ALOX12B: variants seen among roughly 807,000 people sequenced by gnomAD.
ALOX12B encodes arachidonate 12-lipoxygenase, 12R-type.
In ALOX12B, 47 loss-of-function variants were observed where a neutral mutation model predicts 78.9. That is an observed-to-expected ratio of 0.60 (90% CI 0.47 to 0.76). ALOX12B has a LOEUF of 0.76. Among genes scored for constraint, ALOX12B ranks in the 30% least tolerant of loss-of-function variants. The pLI is 0.00. For missense variants in ALOX12B, 805 were observed against 922.6 expected, an observed-to-expected ratio of 0.87 and a Z score of 1.65; for synonymous variants, 370 against 374.5, an observed-to-expected ratio of 0.99 and a Z score of 0.14.
rs1567980444 is a variant in ALOX12B, at chr17:8,073,329, GAT to G, written c.1756-13_1756-12del. Reference sequence around the variant, plus strand: ...GGCGGTGAACTCCATCTGGAGGTGGGATAGAGGCGCGGGTCTGGGTGGAAGAG... The same window carrying G: ...GGCGGTGAACTCCATCTGGAGGTGGGAGAGGCGCGGGTCTGGGTGGAAGAG... On this transcript the variant is annotated splice_polypyrimidine_tract_variant and intron_variant, in intron 13 of 14. Coordinates refer to ENST00000647874, the MANE Select transcript of ALOX12B (RefSeq NM_001139.3). 6.2e-7 allele frequency: 1 copy of G among 1,614,118 alleles called. No individual in the cohort carries two copies. The highest frequency in any genetic ancestry group is 8.5e-7 in the Non-Finnish European group (1 of 1,180,048).
At chr17:8,073,376 C>T in intron 13 of ALOX12B, 58 bp from the exon 14 acceptor site, 4 of 1,608,602 alleles carry the variant, frequency 2.5e-6, no homozygotes, top group Non-Finnish European at 3.4e-6. Flanking sequence ...AGTTTCCTTC[C>T]ACCAGGTGCT....
At chr17:8,077,469 G>A (rs1567982015) in intron 8 of ALOX12B, among the ~76,000 whole-genome samples, 1 of 152,182 alleles carries the variant, frequency 6.6e-6, no homozygotes, top group Non-Finnish European at 1.5e-5. Context: ...TGCCTTCTCT[G>A]GCAAGACTTC....
chr17:8,079,392 G>C lies in ALOX12B; in HGVS notation c.1071+4C>G, dbSNP rs372099592. On this transcript the variant is annotated splice_donor_region_variant and intron_variant, in intron 8 of 14. Transcript: ENST00000647874. The surrounding 1 kb of genome is among the most constrained non-coding windows in gnomAD (Gnocchi z 6.4). The stretch of plus-strand genomic sequence containing the variant: ...AGCGGCAGCGCCGCCTGCAGCCCAG[G>C]CACCTGGATGGCGATGGGCATCATC... 6.4e-7 allele frequency: 1 copy of C among 1,553,036 alleles called. No individual in the cohort carries two copies. Among genetic ancestry groups the C allele is most frequent in the Non-Finnish European group, 8.7e-7 (1 of 1,148,382 alleles).
intron 3 of ALOX12B, 22 bp downstream of exon 3, chr17:8,081,084 A>C (rs1475890495): frequency 3.7e-6 from 6 of 1,612,928 alleles, no homozygotes; most frequent in Non-Finnish European, 5.1e-6. Context: ...GGGCGCCCAG[A>C]CTCTGCCACC....
chr17:8,081,189 T>C lies in ALOX12B; in HGVS notation c.353-2A>G, dbSNP rs775524204. On this transcript the variant is annotated splice_acceptor_variant, in intron 2 of 14. Coordinates refer to ENST00000647874, the MANE Select transcript of ALOX12B (RefSeq NM_001139.3). LOFTEE classifies it high-confidence loss of function. The stretch of plus-strand genomic sequence containing the variant: ...GCGAGTCATCTGCTGTTGTCTTTCC[T>C]GTAGGGAGACCAAGGAGAGGACTCA... The C allele has an allele frequency of 3.1e-6, 5 of 1,613,826 alleles. No homozygotes were observed. Among genetic ancestry groups the C allele is most frequent in the African/African-American group, 1.3e-5 (1 of 74,884 alleles).
In ALOX12B at chr17:8,087,692, C is replaced by A; in HGVS notation, c.-250G>T. ...CGGAGCCCAGCTGGTGGTGAGTGAG[C>A]AGGTGTCTGGGCTCCAAGCCTTCTG... On this transcript the variant is annotated 5_prime_UTR_variant, in exon 1 of 15. Coordinates refer to ENST00000647874, the MANE Select transcript of ALOX12B (RefSeq NM_001139.3). The A allele has an allele frequency of 1.7e-6, 1 of 583,528 alleles. No individual in the cohort carries two copies. 36.1% of individuals were successfully genotyped at this position (583,528 alleles called of 1,614,324 possible).
chr17:8,080,472 T>C lies in ALOX12B; in HGVS notation c.651-134A>G. ...TGCGTCGCAAAGTCTCTGGGTCCCA[T>C]GTCTCAAGATCTTTGCATCTCTAGG... is the stretch of plus-strand genomic sequence containing the variant. On this transcript the variant is annotated intron_variant, in intron 5 of 14. Transcript: ENST00000647874. The surrounding 1 kb of genome is among the most constrained non-coding windows in gnomAD (Gnocchi z 4.8). 1 of 1,375,872 alleles carries C rather than the reference T, an allele frequency of 7.3e-7. No individual in the cohort carries two copies. Among genetic ancestry groups the C allele is most frequent in the South Asian group, 1.2e-5 (1 of 84,796 alleles). The allele number at this position is 1,375,872 out of a possible 1,614,324, so 85.2% of individuals were successfully genotyped here.
intron 12 of ALOX12B, 29 bp from the exon 13 acceptor site, chr17:8,073,786 C>T (rs1376375247): frequency 3.8e-6 from 6 of 1,589,514 alleles, no homozygotes; most frequent in Non-Finnish European, 5.2e-6. Context: ...GCCCAGGCGA[C>T]ATCAGTCGTG....
intron 13 of ALOX12B, 136 bp downstream of exon 13, chr17:8,073,521 G>A (rs1163638571): frequency 2.8e-6 from 3 of 1,065,226 alleles, no homozygotes; most frequent in East Asian, 2.6e-5. Context: ...GTTTCCGTTG[G>A]GACTGGAGTT....
chr17:8,081,805 G>A (rs771785662), intron 2 of ALOX12B, among the ~76,000 whole-genome samples: 5 of 152,074 alleles, frequency 3.3e-5, no homozygotes, highest in Non-Finnish European at 5.9e-5. Flanking sequence ...ACCATGCCCG[G>A]CTACTTTTTG....
Position 8,072,639 on chromosome 17 carries a change from A to G in ALOX12B, c.*132T>C. On this transcript the variant is annotated 3_prime_UTR_variant, in exon 15 of 15. Coordinates refer to ENST00000647874, the MANE Select transcript of ALOX12B (RefSeq NM_001139.3). The stretch of plus-strand genomic sequence containing the variant: ...CGCATTCACAGCCAGACCCAGGGAA[A>G]GGAAGGTTTTTTGTTTTTTTGTTTG... 3 of 1,345,708 alleles carry G rather than the reference A, an allele frequency of 2.2e-6. No homozygotes were observed. The highest frequency in any genetic ancestry group is 3.1e-6 in the Non-Finnish European group (3 of 956,980). The allele number at this position is 1,345,708 out of a possible 1,614,324, so 83.4% of individuals were successfully genotyped here. A position where few individuals can be genotyped will look rare whatever the true frequency, so the allele number is the denominator to read the frequency against.
In ALOX12B at chr17:8,073,752, G is replaced by A. The variant is rs1977029059; in HGVS notation, c.1660C>T (p.Pro554Ser). 1.2e-6 allele frequency: 2 copies of A among 1,613,780 alleles called. No homozygotes were observed. The highest frequency in any genetic ancestry group is 2.7e-5 in the African/African-American group (2 of 74,898). The change falls in exon 13 of 15, where the codon CCT becomes TCT. Residue 554 changes from proline (P) to serine (S), a missense_variant. Pro to Ser is a moderately conservative substitution (Grantham distance 74). Coordinates refer to ENST00000647874, the MANE Select transcript of ALOX12B (RefSeq NM_001139.3). ...TCAGGCACGGTTCGCAAGCACCTAG[G>A]GAAGCCTGACCGGCGGGGGAAAAGC... ...CLLGRESSGF[P>S]RCLRTVPELI...
In ALOX12B at chr17:8,080,055, C is replaced by G; in HGVS notation, c.755-114G>C. The G allele has an allele frequency of 2.0e-6, 3 of 1,513,158 alleles. No individual in the cohort carries two copies. Among genetic ancestry groups the G allele is most frequent in the Non-Finnish European group, 2.7e-6 (3 of 1,104,276 alleles). The allele number at this position is 1,513,158 out of a possible 1,614,324, so 93.7% of individuals were successfully genotyped here. A position where few individuals can be genotyped will look rare whatever the true frequency, so the allele number is the denominator to read the frequency against. The stretch of plus-strand genomic sequence containing the variant: ...AGAGGAGTCGGGGAGGAAAACGAGG[C>G]CCCCAGCCTGGCGCTGAGCGGCCGG... On this transcript the variant is annotated intron_variant, in intron 6 of 14. Transcript: ENST00000647874. This position sits in a 1 kb window ranked among gnomAD's most constrained non-coding sequence, Gnocchi z 4.8.
In ALOX12B at chr17:8,080,717, G is replaced by A. The variant is rs950477812; in HGVS notation, c.591C>T (p.Asn197=). ...TGAGGAAGGAGTAGCGGAGATTTAA[G>A]TTCAGGAACTTGGTGGCCTTAAAGT... ...LINFKATKFL[N]LNLRYSFLKT... The change falls in exon 5 of 15, where the codon AAC becomes AAT. Residue 197 remains asparagine, a synonymous_variant. Coordinates refer to ENST00000647874, the MANE Select transcript of ALOX12B (RefSeq NM_001139.3). The surrounding 1 kb of genome is among the most constrained non-coding windows in gnomAD (Gnocchi z 4.8). 1.9e-6 allele frequency: 3 copies of A among 1,614,102 alleles called. No individual in the cohort carries two copies. The highest frequency in any genetic ancestry group is 3.3e-5 in the Admixed American group (2 of 60,018).
At chr17:8,087,175 C>G in intron 1 of ALOX12B, 121 bp downstream of exon 1, 3 of 1,427,648 alleles carry the variant, frequency 2.1e-6, no homozygotes, top group Non-Finnish European at 2.9e-6. Flanking sequence ...ACCTGGCTCC[C>G]CCTGCGCACC....
rs190488954 is a variant in ALOX12B at position 8,076,934 on chromosome 17, G to C, written c.1275+56C>G. On this transcript the variant is annotated intron_variant, in intron 9 of 14. Transcript: ENST00000647874. ...CTGCTCAGTGGGCCTGGGGGTTTTC[G>C]GAGGCCAGGTGAGGGCCATGATGCC... is the stretch of plus-strand genomic sequence containing the variant. 138 of 1,569,198 alleles carry C rather than the reference G, an allele frequency of 8.8e-5. No individual in the cohort carries two copies. In the African/African-American group the frequency reaches 1.6e-3, roughly 18 times the overall value.
rs773132767 is a variant in ALOX12B, at chr17:8,080,349, G to C, written c.651-11C>G. 2 of 1,614,022 alleles carry C rather than the reference G, an allele frequency of 1.2e-6. No homozygotes were observed. Among genetic ancestry groups the C allele is most frequent in the Non-Finnish European group, 1.7e-6 (2 of 1,179,880 alleles). On this transcript the variant is annotated splice_polypyrimidine_tract_variant and intron_variant, in intron 5 of 14. Transcript: ENST00000647874. This position sits in a 1 kb window ranked among gnomAD's most constrained non-coding sequence, Gnocchi z 4.8. The stretch of plus-strand genomic sequence containing the variant: ...TTGAAAGCCAGTGCCCTAGGAGATG[G>C]GATTCCAGGAAGAGGCCTTCAGAGG...
rs1161381993 is a variant in ALOX12B, at chr17:8,080,423, T to C, written c.651-85A>G. 6.7e-6 allele frequency: 10 copies of C among 1,496,894 alleles called. No individual in the cohort carries two copies. The highest frequency in any genetic ancestry group is 9.3e-6 in the Non-Finnish European group (10 of 1,074,440). The allele number at this position is 1,496,894 out of a possible 1,614,324, so 92.7% of individuals were successfully genotyped here. A position where few individuals can be genotyped will look rare whatever the true frequency, so the allele number is the denominator to read the frequency against. ...AGGTGGCGGGGCCGCCCCATCCACT[T>C]AGGTCTCTGGGTCTCAGGGTCTGTG... On this transcript the variant is annotated intron_variant, in intron 5 of 14. Transcript: ENST00000647874. This position sits in a 1 kb window ranked among gnomAD's most constrained non-coding sequence, Gnocchi z 4.8.
At position 8,086,070 on chromosome 17, in the gene ALOX12B, G is replaced by C. The variant is rs1202630028; in HGVS notation, c.298C>G (p.Pro100Ala). 6.2e-7 allele frequency: 1 copy of C among 1,614,070 alleles called. No individual in the cohort carries two copies. Among genetic ancestry groups the C allele is most frequent in the Non-Finnish European group, 8.5e-7 (1 of 1,180,032 alleles). ...CAPNGRIYHF[P>A]AYQWMDGYET... is the part of the protein sequence containing the mutation. Reference sequence around the variant, plus strand: ...TAGCCATCCATCCACTGGTAGGCGGGGAAGTGGTAGATACGGCCGTTGGGG... The same window carrying C: ...TAGCCATCCATCCACTGGTAGGCGGCGAAGTGGTAGATACGGCCGTTGGGG... Residue 100 changes from proline (P) to alanine (A), a missense_variant, in exon 2 of 15, where the codon CCC becomes GCC. Physicochemically the swap from Pro to Ala is conservative, Grantham distance 27. Transcript: ENST00000647874.
Sources: gnomAD v4.1 joint callset for allele counts (sites outside exome capture counted in the v4.1 genomes callset) on GRCh38, gnomAD v4.1.1 for gene constraint, Gnocchi (gnomAD v3.1) non-coding constraint, MANE v1.5 for transcripts, NCBI Gene and HGNC (gene_info 2026-07-23, HGNC 2026-07-21) for gene names.